KCTD16: variants seen among roughly 807,000 people sequenced by gnomAD.
KCTD16 encodes potassium channel tetramerization domain containing 16, also known as BTB/POZ domain-containing protein KCTD16.
KCTD16 carries 13 observed loss-of-function variants against 33.2 expected under a neutral mutation model. That is an observed-to-expected ratio of 0.39 (90% CI 0.25 to 0.62). KCTD16 has a LOEUF of 0.62. KCTD16 is among the 20% of genes least tolerant of loss of function. The pLI is 0.50. For missense variants in KCTD16, 441 were observed against 525.1 expected (o/e 0.84, Z 1.57); for synonymous variants, 197 against 195.3 (o/e 1.01, Z -0.07).
chr5:144,248,108 A>G (rs1012699156), intron 3 of KCTD16, among the ~76,000 whole-genome samples: 1 of 152,220 alleles, frequency 6.6e-6, no homozygotes. Flanking sequence ...GAATTAAACA[A>G]TGTGTCAGAT....
chr5:144,402,258 T>A (rs1001321532), intron 3 of KCTD16, among the ~76,000 whole-genome samples: 1 of 152,226 alleles, frequency 6.6e-6, no homozygotes, highest in East Asian at 1.9e-4. Context: ...GCTAATTTAT[T>A]AGCTCACAAT....
intron 3 of KCTD16, among the ~76,000 whole-genome samples, chr5:144,310,507 C>T (rs1008792519): frequency 2.0e-5 from 3 of 152,154 alleles, no homozygotes; most frequent in Non-Finnish European, 4.4e-5. Context: ...TGCTAATTTA[C>T]ATCCCTACCA....
chr5:144,334,333 T>A (rs1752427208), intron 3 of KCTD16, among the ~76,000 whole-genome samples: 1 of 152,178 alleles, frequency 6.6e-6, no homozygotes, highest in Admixed American at 6.5e-5. Context: ...AGGTGGGTGA[T>A]CTTGACCAAT....
intron 3 of KCTD16, among the ~76,000 whole-genome samples, chr5:144,341,874 A>G (rs1054708040): frequency 2.6e-5 from 4 of 152,242 alleles, no homozygotes; most frequent in Non-Finnish European, 5.9e-5. Context: ...GTCACTCATT[A>G]ATAAATAGTG....
intron 2 of KCTD16, among the ~76,000 whole-genome samples, chr5:144,188,537 C>A (rs541091764): frequency 6.6e-6 from 1 of 152,286 alleles, no homozygotes; most frequent in South Asian, 2.1e-4. Context: ...CAACCTCTGG[C>A]AAATTTGTCA....
chr5:144,273,266 G>A (rs981018630), intron 3 of KCTD16, among the ~76,000 whole-genome samples: 2 of 152,032 alleles, frequency 1.3e-5, no homozygotes, highest in African/African-American at 2.4e-5. Flanking sequence ...ACTACAATGA[G>A]TTATTATATA....
chr5:144,281,524 CCTTTT>C (rs1755609333), intron 3 of KCTD16, among the ~76,000 whole-genome samples: 1 of 151,872 alleles, frequency 6.6e-6, no homozygotes, highest in Admixed American at 6.6e-5. Context: ...CTGCTATATT[CCTTTT>C]CATTTTTTTA....
chr5:144,357,154 G>C (rs1416040297), intron 3 of KCTD16, among the ~76,000 whole-genome samples: 1 of 152,070 alleles, frequency 6.6e-6, no homozygotes, highest in Non-Finnish European at 1.5e-5. Context: ...CTTCAGCTTT[G>C]CCCATGTAAG....
intron 3 of KCTD16, among the ~76,000 whole-genome samples, chr5:144,354,267 A>AG (rs899032355): frequency 2.2e-4 from 33 of 152,276 alleles, no homozygotes; most frequent in African/African-American, 7.2e-4. Context: ...ACTACTGATA[A>AG]GTTTATTATA....
At chr5:144,246,354 TTGCAGAAGCCA>T (rs1413600327) in intron 3 of KCTD16, among the ~76,000 whole-genome samples, 2 of 152,224 alleles carry the variant, frequency 1.3e-5, no homozygotes, top group Non-Finnish European at 2.9e-5. Context: ...GGTGGCTATT[TTGCAGAAGCCA>T]TTAGGATACA....
At chr5:144,458,646 A>G (rs144367010) in intron 3 of KCTD16, among the ~76,000 whole-genome samples, 2 of 152,336 alleles carry the variant, frequency 1.3e-5, no homozygotes, top group Non-Finnish European at 1.5e-5. Flanking sequence ...ATAGAAATCT[A>G]TTAGAGACTC....
chr5:144,230,166 G>C (rs1219295469), intron 3 of KCTD16, among the ~76,000 whole-genome samples: 1 of 152,080 alleles, frequency 6.6e-6, no homozygotes, highest in Non-Finnish European at 1.5e-5. Flanking sequence ...AACAAAATCA[G>C]CAGTGCATTG....
chr5:144,315,158 G>A (rs1410688616), intron 3 of KCTD16, among the ~76,000 whole-genome samples: 2 of 152,132 alleles, frequency 1.3e-5, no homozygotes, highest in Admixed American at 6.5e-5. Context: ...TCCATGTTTT[G>A]TGAAGACCAG....
At chr5:144,417,527 A>G (rs1753089547) in intron 3 of KCTD16, among the ~76,000 whole-genome samples, 1 of 152,142 alleles carries the variant, frequency 6.6e-6, no homozygotes, top group Non-Finnish European at 1.5e-5. Context: ...TATCAGATAG[A>G]TGATTTGCAG....
chr5:144,413,577 C>G (rs527510338), intron 3 of KCTD16, among the ~76,000 whole-genome samples: 1 of 152,216 alleles, frequency 6.6e-6, no homozygotes, highest in East Asian at 1.9e-4. Flanking sequence ...CAGCCCTCCA[C>G]CCCCAACAAT....
At chr5:144,398,656 G>A (rs1338393774) in intron 3 of KCTD16, among the ~76,000 whole-genome samples, 1 of 151,504 alleles carries the variant, frequency 6.6e-6, no homozygotes, top group Non-Finnish European at 1.5e-5. Context: ...AAAAAGAGTA[G>A]TTATACAAAT....
At chr5:144,336,613 A>G (rs1752500516) in intron 3 of KCTD16, among the ~76,000 whole-genome samples, 1 of 152,118 alleles carries the variant, frequency 6.6e-6, no homozygotes, top group African/African-American at 2.4e-5. Context: ...TGTGTTTCCC[A>G]CGTTTTTAAA....
chr5:144,435,775 TGTG>T (rs1287160106), intron 3 of KCTD16, among the ~76,000 whole-genome samples: 1 of 152,066 alleles, frequency 6.6e-6, no homozygotes, highest in Non-Finnish European at 1.5e-5. Flanking sequence ...GATTTTGTTT[TGTG>T]GTGGTGGTTG....
chr5:144,367,117 C>G (rs1751854824), intron 3 of KCTD16, among the ~76,000 whole-genome samples: 1 of 152,240 alleles, frequency 6.6e-6, no homozygotes, highest in African/African-American at 2.4e-5. Flanking sequence ...ACCCAGCAAT[C>G]CTGTCTATCC....
Sources: gnomAD v4.1 joint callset for allele counts (sites outside exome capture counted in the v4.1 genomes callset) on GRCh38, gnomAD v4.1.1 for gene constraint, MANE v1.5 for transcripts, NCBI Gene and HGNC (gene_info 2026-07-23, HGNC 2026-07-21) for gene names.